ZGPAT: variants seen among roughly 807,000 people sequenced by gnomAD.
ZGPAT encodes the protein zinc finger CCCH-type with G patch domain-containing protein.
In ZGPAT, 39 loss-of-function variants were observed where a neutral mutation model predicts 47.9. The ratio of observed to expected loss-of-function variants is 0.81; its 90% CI spans 0.63 to 1.06. The LOEUF (loss-of-function observed/expected upper bound fraction) is 1.06, where lower values mean the gene tolerates loss of function less well. Among genes scored for constraint, ZGPAT ranks in the 50% least tolerant of loss-of-function variants. The pLI is 0.00. For synonymous variants in ZGPAT, 348 were observed against 292.9 expected (o/e 1.19, Z -1.92); for missense variants, 717 against 681.4 (o/e 1.05, Z -0.58).
At chr20:63,723,465 T>C (rs2091810943) in intron 2 of ZGPAT, among the ~76,000 whole-genome samples, 1 of 148,138 alleles carries the variant, frequency 6.8e-6, no homozygotes, top group South Asian at 2.2e-4. Flanking sequence ...CCATCCTCCC[T>C]TCTCCTCTGA....
Position 63,708,095 on chromosome 20 carries a change from G to C in ZGPAT, c.-52G>C, listed in dbSNP as rs2091585664. 6.6e-6 allele frequency: 1 copy of C among 152,162 alleles called. No individual in the cohort carries two copies. Among genetic ancestry groups the C allele is most frequent in the Non-Finnish European group, 1.5e-5 (1 of 68,034 alleles). The allele number at this position is 152,162 out of a possible 1,614,324, so 9.4% of individuals were successfully genotyped here. A position where few individuals can be genotyped will look rare whatever the true frequency, so the allele number is the denominator to read the frequency against. On this transcript the variant is annotated 5_prime_UTR_variant, in exon 1 of 7. Coordinates refer to ENST00000355969, the MANE Select transcript of ZGPAT (RefSeq NM_181485.3). ...TGCCGATCGGCTGCTGGGGCGAAAA[G>C]GGGGCGCCGGGCCGCTCTAGCCGGT...
In ZGPAT at chr20:63,734,973, G is replaced by A. The variant is rs932481351; in HGVS notation, c.991+149G>A. 11 of 1,341,306 alleles carry A rather than the reference G, an allele frequency of 8.2e-6. No homozygotes were observed. In the East Asian group the frequency reaches 1.8e-4, roughly 22 times the overall value. The allele number at this position is 1,341,306 out of a possible 1,614,324, so 83.1% of individuals were successfully genotyped here. A position where few individuals can be genotyped will look rare whatever the true frequency, so the allele number is the denominator to read the frequency against. ...CATCCCCGTGCTCCTCAGATTCCCG[G>A]GGTCCCGCGGCCACAGCACTGCCAT... On this transcript the variant is annotated intron_variant, in intron 5 of 6. Transcript: ENST00000355969.
intron 2 of ZGPAT, among the ~76,000 whole-genome samples, chr20:63,732,682 A>ATG (rs11472432): frequency 0.75 from 112,875 of 151,436 alleles, 43,094 homozygotes; most frequent in African/African-American, 0.89. Flanking sequence ...GCCTGTGTGC[A>ATG]TGTGTGTATG....
intron 2 of ZGPAT, among the ~76,000 whole-genome samples, chr20:63,717,049 T>C (rs2091736689): frequency 6.6e-6 from 1 of 152,182 alleles, no homozygotes; most frequent in Non-Finnish European, 1.5e-5. Context: ...AATCCTGACC[T>C]CAGGTTATCC....
intron 6 of ZGPAT, 93 bp downstream of exon 6, chr20:63,735,657 G>T: frequency 6.7e-7 from 1 of 1,499,364 alleles, no homozygotes; most frequent in Non-Finnish European, 8.9e-7. Context: ...AAGCATAGCG[G>T]GCTGAGTCCA....
At chr20:63,709,237 G>T in intron 2 of ZGPAT, 73 bp downstream of exon 2, 1 of 1,542,412 alleles carries the variant, frequency 6.5e-7, no homozygotes, top group South Asian at 1.1e-5. Flanking sequence ...GTCAGGATCG[G>T]CCCTCCCTTT....
At chr20:63,733,112 G>T in intron 2 of ZGPAT, 107 bp from the exon 3 acceptor site, 1 of 1,456,416 alleles carries the variant, frequency 6.9e-7, no homozygotes, top group South Asian at 1.3e-5. Context: ...ACGCGTGTGT[G>T]TCTGTCTCCC....
intron 2 of ZGPAT, among the ~76,000 whole-genome samples, chr20:63,716,518 C>CTTT (rs776908249): frequency 7.0e-6 from 1 of 143,346 alleles, no homozygotes; most frequent in Non-Finnish European, 1.5e-5. Flanking sequence ...TTTTCTTCCT[C>CTTT]TTTTTTTTTT....
intron 2 of ZGPAT, among the ~76,000 whole-genome samples, chr20:63,720,747 C>T (rs1056374340): frequency 3.9e-5 from 6 of 152,216 alleles, no homozygotes; most frequent in African/African-American, 1.4e-4. Flanking sequence ...AGCCACCGCA[C>T]CCGGCCTGTT....
chr20:63,732,832 C>A (rs1193637945), intron 2 of ZGPAT, among the ~76,000 whole-genome samples: 1 of 147,720 alleles, frequency 6.8e-6, no homozygotes, highest in Non-Finnish European at 1.5e-5. Context: ...TTGTGTGTGC[C>A]TGTGTGAGTG....
chr20:63,733,330 C>G lies in ZGPAT; in HGVS notation c.696C>G (p.Leu232=). 6.2e-7 allele frequency: 1 copy of G among 1,612,670 alleles called. No homozygotes were observed. Among genetic ancestry groups the G allele is most frequent in the African/African-American group, 1.3e-5 (1 of 75,042 alleles). ...GTCTGGCCAAGCACCAGGATGGCCT[C>G]TGGCACGCAGCACGCATCACCGGTG... ...SACLAKHQDG[L]WHAARITDVD... Residue 232 remains leucine (L), a synonymous_variant, in exon 3 of 7, where the codon CTC becomes CTG. Coordinates refer to ENST00000355969, the MANE Select transcript of ZGPAT (RefSeq NM_181485.3).
chr20:63,725,038 G>C (rs1341892535), intron 2 of ZGPAT, among the ~76,000 whole-genome samples: 3 of 145,424 alleles, frequency 2.1e-5, no homozygotes, highest in Non-Finnish European at 4.5e-5. Flanking sequence ...AGGCTGGAGT[G>C]CAGTGGCACG....
chr20:63,735,754 C>CA (rs2091982622), intron 6 of ZGPAT, 27 bp from the exon 7 acceptor site: 1 of 1,572,912 alleles, frequency 6.4e-7, no homozygotes, highest in Non-Finnish European at 8.6e-7. Flanking sequence ...CCCAGGACCC[C>CA]ACGCTGACTA....
chr20:63,729,174 G>A (rs1385899858), intron 2 of ZGPAT, among the ~76,000 whole-genome samples: 2 of 152,074 alleles, frequency 1.3e-5, no homozygotes, highest in Admixed American at 1.3e-4. Flanking sequence ...ATAATTATAG[G>A]CGCACGCCAT....
At chr20:63,719,065 C>CAAAA (rs149022199) in intron 2 of ZGPAT, among the ~76,000 whole-genome samples, 2 of 146,506 alleles carry the variant, frequency 1.4e-5, no homozygotes, top group East Asian at 2.0e-4. Context: ...GACTCCATCT[C>CAAAA]AAAAAAAAAA....
chr20:63,716,573 G>C (rs1441748516), intron 2 of ZGPAT, among the ~76,000 whole-genome samples: 1 of 151,670 alleles, frequency 6.6e-6, no homozygotes, highest in Non-Finnish European at 1.5e-5. Flanking sequence ...GAGTGCAGTG[G>C]CATGATCTTG....
rs933246274 is a variant in ZGPAT at position 63,708,070 on chromosome 20, T to C, written c.-77T>C. The C allele has an allele frequency of 9.2e-5, 14 of 151,980 alleles. No individual in the cohort carries two copies. Among genetic ancestry groups the C allele is most frequent in the Admixed American group, 7.9e-4 (12 of 15,266 alleles). The allele number at this position is 151,980 out of a possible 1,614,324, so 9.4% of individuals were successfully genotyped here. On this transcript the variant is annotated 5_prime_UTR_variant, in exon 1 of 7. Coordinates refer to ENST00000355969, the MANE Select transcript of ZGPAT (RefSeq NM_181485.3). ...GGAAGCGGCGGCGCTCGGGAGGAAG[T>C]GCCGATCGGCTGCTGGGGCGAAAAG...
chr20:63,708,898 A>G lies in ZGPAT; in HGVS notation c.318A>G (p.Lys106=). Residue 106 remains lysine, a synonymous_variant, in exon 2 of 7, where the codon AAA becomes AAG. Coordinates refer to ENST00000355969, the MANE Select transcript of ZGPAT (RefSeq NM_181485.3). ...ARGSGSETVP[K]AEAGPESAAG... is the part of the protein sequence containing the mutation. Reference sequence around the variant, plus strand: ...GGTCCGGATCAGAGACCGTTCCTAAAGCAGAGGCGGGGCCAGAATCTGCGG... The same window carrying G: ...GGTCCGGATCAGAGACCGTTCCTAAGGCAGAGGCGGGGCCAGAATCTGCGG... The G allele has an allele frequency of 6.2e-7, 1 of 1,612,662 alleles. No homozygotes were observed. The highest frequency in any genetic ancestry group is 8.5e-7 in the Non-Finnish European group (1 of 1,179,736).
intron 4 of ZGPAT, 135 bp downstream of exon 4, chr20:63,733,874 TGAG>T: frequency 6.6e-6 from 8 of 1,210,078 alleles, no homozygotes; most frequent in South Asian, 6.1e-5. Flanking sequence ...CACCTGTGCC[TGAG>T]GAGGCCGTGT....
Sources: gnomAD v4.1 joint callset for allele counts (sites outside exome capture counted in the v4.1 genomes callset) on GRCh38, gnomAD v4.1.1 for gene constraint, MANE v1.5 for transcripts, NCBI Gene and HGNC (gene_info 2026-07-23, HGNC 2026-07-21) for gene names.